Variants in KHDRBS2 observed in about 807,000 individuals in gnomAD.
KHDRBS2 encodes the protein KH RNA binding domain containing, signal transduction associated 2.
A neutral mutation model predicts 44.3 loss-of-function variants in KHDRBS2; 26 were observed. The ratio of observed to expected loss-of-function variants is 0.59; its 90% CI spans 0.43 to 0.81. KHDRBS2 has a LOEUF of 0.81. KHDRBS2 is among the 40% of genes least tolerant of loss of function. KHDRBS2 has a pLI of 0.00. For synonymous variants in KHDRBS2, 194 were observed against 151.1 expected, an observed-to-expected ratio of 1.28 and a Z score of -2.08; for missense variants, 476 against 433.1, an observed-to-expected ratio of 1.10 and a Z score of -0.88.
chr6:61,748,458 C>T (rs915247387), intron 6 of KHDRBS2, among the ~76,000 whole-genome samples: 21 of 152,056 alleles, frequency 1.4e-4, no homozygotes, highest in Admixed American at 1.3e-3. Context: ...AGGAAGAGGC[C>T]CTCTATCAAT....
At chr6:62,136,522 T>C (rs1354565706) in intron 2 of KHDRBS2, among the ~76,000 whole-genome samples, 4 of 152,234 alleles carry the variant, frequency 2.6e-5, no homozygotes, top group African/African-American at 7.2e-5. Flanking sequence ...TTATCTTAAT[T>C]TTGTATGACT....
chr6:61,719,762 CT>C (rs201000567), intron 7 of KHDRBS2, among the ~76,000 whole-genome samples: 1 of 151,484 alleles, frequency 6.6e-6, no homozygotes, highest in Admixed American at 6.6e-5. Context: ...CCTATGGACT[CT>C]TTTTTTTAAA....
At chr6:62,078,039 T>C (rs1326519214) in intron 2 of KHDRBS2, among the ~76,000 whole-genome samples, 1 of 152,068 alleles carries the variant, frequency 6.6e-6, no homozygotes, top group Non-Finnish European at 1.5e-5. Context: ...AATGGCATTT[T>C]TTTGTTGTTT....
the KHDRBS2 span, among the ~76,000 whole-genome samples, chr6:61,588,499 T>A: frequency 1.3e-5 from 2 of 152,192 alleles, no homozygotes; most frequent in Admixed American, 1.3e-4. Context: ...ACAATTATAC[T>A]CAGATATAGT....
At chr6:61,751,617 G>C (rs1479090755) in intron 6 of KHDRBS2, among the ~76,000 whole-genome samples, 1 of 152,110 alleles carries the variant, frequency 6.6e-6, no homozygotes, top group Non-Finnish European at 1.5e-5. Flanking sequence ...GCTGTATTTT[G>C]TCTGGAAAAG....
At chr6:61,612,839 C>CTTTTTTTT in the KHDRBS2 span, among the ~76,000 whole-genome samples, 2 of 77,414 alleles carry the variant, frequency 2.6e-5, no homozygotes, top group African/African-American at 5.3e-5. Context: ...AAAATGCAGC[C>CTTTTTTTT]TTTTTTTTTT....
At position 61,945,108 on chromosome 6, in the gene KHDRBS2, AAAAAGTATATATAT is replaced by A. The variant is rs1478058406; in HGVS notation, c.483+32944_483+32957del. Among the ~76,000 whole-genome samples the A allele has an allele frequency of 2.7e-3, 147 of 54,956 alleles. 5 individuals carry two copies. Among genetic ancestry groups the A allele is most frequent in the South Asian group, 6.7e-3 (10 of 1,488 alleles). 36.1% of individuals were successfully genotyped at this position (54,956 alleles called of 152,430 possible). On this transcript the variant is annotated intron_variant, in intron 4 of 8. Transcript: ENST00000281156. ...TCTGTCTTAAAAAAAAAAAAAAAAA[AAAAAGTATATATAT>A]ATATATATATATATATATATATATA...
At chr6:62,165,771 G>C (rs1351646366) in intron 2 of KHDRBS2, among the ~76,000 whole-genome samples, 1 of 151,946 alleles carries the variant, frequency 6.6e-6, no homozygotes, top group African/African-American at 2.4e-5. Context: ...CTGTGTTTAA[G>C]TGATCCTCCA....
chr6:62,180,509 T>C (rs1822047329), intron 1 of KHDRBS2, among the ~76,000 whole-genome samples: 1 of 151,716 alleles, frequency 6.6e-6, no homozygotes, highest in Non-Finnish European at 1.5e-5. Context: ...ACTTGTACGC[T>C]GAAAACCAAA....
chr6:61,862,766 T>C (rs1797176254), intron 6 of KHDRBS2, among the ~76,000 whole-genome samples: 1 of 152,148 alleles, frequency 6.6e-6, no homozygotes, highest in African/African-American at 2.4e-5. Flanking sequence ...ATCAATGATA[T>C]CGGTCTCAAG....
intron 6 of KHDRBS2, among the ~76,000 whole-genome samples, chr6:61,763,117 C>G (rs1190024562): frequency 6.6e-6 from 1 of 152,132 alleles, no homozygotes; most frequent in Non-Finnish European, 1.5e-5. Context: ...CATATGTGAT[C>G]TCAGTTAGAA....
the KHDRBS2 span, among the ~76,000 whole-genome samples, chr6:61,643,166 T>A: frequency 6.6e-6 from 1 of 152,306 alleles, no homozygotes; most frequent in South Asian, 2.1e-4. Flanking sequence ...ATCAGAAATA[T>A]CAAGCAAATT....
At chr6:62,169,241 G>GTA (rs1217802968) in intron 2 of KHDRBS2, among the ~76,000 whole-genome samples, 1 of 136,852 alleles carries the variant, frequency 7.3e-6, no homozygotes, top group Non-Finnish European at 1.6e-5. Flanking sequence ...ATATATGTGT[G>GTA]TATATATATT....
intron 1 of KHDRBS2, among the ~76,000 whole-genome samples, chr6:62,239,533 G>A (rs1287502556): frequency 1.3e-5 from 2 of 151,888 alleles, no homozygotes; most frequent in Non-Finnish European, 2.9e-5. Context: ...AGATCACGCT[G>A]CTGCACTCCA....
intron 6 of KHDRBS2, among the ~76,000 whole-genome samples, chr6:61,845,195 C>T (rs1289545775): frequency 1.3e-5 from 2 of 151,966 alleles, no homozygotes; most frequent in East Asian, 1.9e-4. Flanking sequence ...AATTCAAAAA[C>T]GTGTAGCTTT....
the KHDRBS2 span, among the ~76,000 whole-genome samples, chr6:61,624,194 G>C: frequency 6.6e-6 from 1 of 152,144 alleles, no homozygotes; most frequent in African/African-American, 2.4e-5. Context: ...AAAACGATTT[G>C]TCCAGTGACT....
At chr6:62,159,768 A>C (rs1817240138) in intron 2 of KHDRBS2, among the ~76,000 whole-genome samples, 2 of 152,212 alleles carry the variant, frequency 1.3e-5, no homozygotes, top group South Asian at 4.1e-4. Context: ...TAAGCTAGAT[A>C]AACAAAATAA....
chr6:61,680,514 C>T lies in KHDRBS2; in HGVS notation c.*449G>A, dbSNP rs1385936138. ...ACAGATATTAAAAGACAGGTTAAAA[C>T]ATCTTATCTACAACTTTATTATCAG... On this transcript the variant is annotated 3_prime_UTR_variant, in exon 9 of 9. Coordinates refer to ENST00000281156, the MANE Select transcript of KHDRBS2 (RefSeq NM_152688.4). The T allele has an allele frequency of 1.3e-5, 2 of 152,082 alleles. No homozygotes were observed. The highest frequency in any genetic ancestry group is 2.0e-4 in the East Asian group (1 of 5,118). The allele number at this position is 152,082 out of a possible 1,614,324, so 9.4% of individuals were successfully genotyped here.
intron 2 of KHDRBS2, among the ~76,000 whole-genome samples, chr6:62,084,986 G>C (rs1242207110): frequency 1.3e-5 from 2 of 152,076 alleles, no homozygotes; most frequent in African/African-American, 4.8e-5. Context: ...ACACTTAAAT[G>C]TGTGCAGGCA....
Sources: gnomAD v4.1 joint callset for allele counts (sites outside exome capture counted in the v4.1 genomes callset) on GRCh38, gnomAD v4.1.1 for gene constraint, MANE v1.5 for transcripts, NCBI Gene and HGNC (gene_info 2026-07-23, HGNC 2026-07-21) for gene names.